Variants in ECM1 observed in about 807,000 individuals in gnomAD.
The protein encoded by ECM1 is secretory component p85.
Under a neutral mutation model 57.9 loss-of-function variants are expected in ECM1, and 54 were observed. That is an observed-to-expected ratio of 0.93 (90% CI 0.75 to 1.17). The LOEUF is 1.17. ECM1 is among the 50% of genes most tolerant of loss of function. The probability of loss-of-function intolerance (pLI) is 0.00; values close to 1 mark genes in which losing one functional copy is unlikely to be tolerated. For missense variants in ECM1, 649 were observed against 688.1 expected (o/e 0.94, Z 0.64); for synonymous variants, 237 against 259.1 (o/e 0.91, Z 0.82).
rs1431743886 is a variant in ECM1 at position 150,509,728 on chromosome 1, T to C, written c.189T>C (p.Ser63=). The C allele has an allele frequency of 2.7e-6, 4 of 1,482,260 alleles. No individual in the cohort carries two copies. The African/African-American group carries it at 5.8e-5, about 21-fold the overall frequency. 91.8% of individuals were successfully genotyped at this position (1,482,260 alleles called of 1,614,324 possible). Residue 63 remains serine, a synonymous_variant, in exon 3 of 10, where the codon TCT becomes TCC. Transcript: ENST00000369047. ...RSLPMDHPDS[S]QHGPPFEGQS... is the part of the protein sequence containing the mutation. The stretch of plus-strand genomic sequence containing the variant: ...TCCCCATGGATCACCCTGACTCCTC[T>C]CAGCATGGCCCTCCCTTTGAGGGAC...
Position 150,511,108 on chromosome 1 carries a change from G to A in ECM1, c.618G>A (p.Gln206=). 1 of 1,614,242 alleles carries A rather than the reference G, an allele frequency of 6.2e-7. No individual in the cohort carries two copies. Among genetic ancestry groups the A allele is most frequent in the Non-Finnish European group, 8.5e-7 (1 of 1,180,048 alleles). ...CCAGCTACTCCCACCTCACTCGCCA[G>A]GGTGAGACCCTCAATTTCCTGGAGA... is the stretch of plus-strand genomic sequence containing the variant. The part of the protein sequence containing the change: ...PQSSYSHLTR[Q]GETLNFLEIG... Residue 206 remains glutamine (Q), a synonymous_variant, in exon 6 of 10, where the codon CAG becomes CAA. Transcript: ENST00000369047.
Position 150,513,352 on chromosome 1 carries a change from A to G in ECM1, c.1508A>G (p.Tyr503Cys). Residue 503 changes from tyrosine to cysteine, a missense_variant, in exon 10 of 10, where the codon TAT becomes TGT. Transcript: ENST00000369047. ...DEQVNCFNIN[Y>C]LRNVALVSGD... ...CAGGTCAACTGCTTCAACATCAATT[A>G]TCTGAGGAACGTGGCTCTAGTGTCT... 3.7e-6 allele frequency: 6 copies of G among 1,614,244 alleles called. No individual in the cohort carries two copies. The highest frequency in any genetic ancestry group is 2.2e-5 in the East Asian group (1 of 44,894).
In ECM1 at chr1:150,513,235, A is replaced by G. The variant is rs1670491927; in HGVS notation, c.1393-2A>G. On this transcript the variant is annotated splice_acceptor_variant, in intron 9 of 9. Coordinates refer to ENST00000369047, the MANE Select transcript of ECM1 (RefSeq NM_004425.4). LOFTEE classifies it high-confidence loss of function. ...ATCTGTTTTACTTTTCTCATTCATC[A>G]GAAATTAACCTTCATCAATGATCTG... The G allele has an allele frequency of 6.2e-7, 1 of 1,614,160 alleles. No individual in the cohort carries two copies.
intron 5 of ECM1, 66 bp downstream of exon 5, chr1:150,510,248 G>C: frequency 6.7e-7 from 1 of 1,487,788 alleles, no homozygotes; most frequent in Non-Finnish European, 9.4e-7. Flanking sequence ...CATGGGCTTC[G>C]GGGCAGACAA....
At chr1:150,509,414 G>A in intron 1 of ECM1, 117 bp from the exon 2 acceptor site, 1 of 1,071,978 alleles carries the variant, frequency 9.3e-7, no homozygotes, top group South Asian at 1.3e-5. Context: ...ATACAGAGGG[G>A]CATCTCGTGT....
chr1:150,509,749 G>T lies in ECM1; in HGVS notation c.210G>T (p.Glu70Asp). The change falls in exon 3 of 10, where the codon GAG becomes GAT. Residue 70 changes from glutamate to aspartate, a missense_variant. Transcript: ENST00000369047. ...CCTCTCAGCATGGCCCTCCCTTTGA[G>T]GGACAGAGTCAAGGTAAGGTCACCA... ...PDSSQHGPPF[E>D]GQSQVQPPPS... The T allele has an allele frequency of 6.2e-7, 1 of 1,613,180 alleles. No individual in the cohort carries two copies. Among genetic ancestry groups the T allele is most frequent in the African/African-American group, 1.3e-5 (1 of 74,800 alleles).
At position 150,508,252 on chromosome 1, in the gene ECM1, G is replaced by T; in HGVS notation, c.43G>T (p.Ala15Ser). 1 of 1,614,046 alleles carries T rather than the reference G, an allele frequency of 6.2e-7. No homozygotes were observed. The highest frequency in any genetic ancestry group is 8.5e-7 in the Non-Finnish European group (1 of 1,180,034). Reference protein sequence around the residue: ...ARAALVLTYLAVASAASEGGF... With the variant: ...ARAALVLTYLSVASAASEGGF... ...AGCAGCCTTGGTCTTGACCTATTTG[G>T]CTGTTGCTTCTGCTGCCTCTGAGGG... is the stretch of plus-strand genomic sequence containing the variant. Residue 15 changes from alanine (A) to serine (S), a missense_variant, in exon 1 of 10, where the codon GCT (alanine) becomes TCT (serine). By Grantham distance (99) the Ala-to-Ser change is moderately conservative. Coordinates refer to ENST00000369047, the MANE Select transcript of ECM1 (RefSeq NM_004425.4).
intron 1 of ECM1, 30 bp downstream of exon 1, chr1:150,508,309 G>C: frequency 6.2e-7 from 1 of 1,605,756 alleles, no homozygotes; most frequent in Non-Finnish European, 8.5e-7. Context: ...CTTAGGAGGG[G>C]GTCTGGGCTT....
chr1:150,509,304 A>C (rs1670366860), intron 1 of ECM1: 4 of 615,918 alleles, frequency 6.5e-6, no homozygotes, highest in Non-Finnish European at 1.2e-5. Context: ...GAGCCAGTAG[A>C]GGTGGAGCTA....
In ECM1 at chr1:150,513,286, G is replaced by A. The variant is rs765242058; in HGVS notation, c.1442G>A (p.Arg481Gln). The A allele has an allele frequency of 9.9e-6, 16 of 1,614,230 alleles. No homozygotes were observed. The highest frequency in any genetic ancestry group is 3.3e-4 in the Middle Eastern group (2 of 6,062). The change falls in exon 10 of 10, where the codon CGA (arginine) becomes CAA (glutamine). Residue 481 changes from arginine (R) to glutamine (Q), a missense_variant. Transcript: ENST00000369047. ...TGTGGTCCCCGACGTAACATCTGGC[G>A]AGACCCTGCCCTCTGCTGTTACCTG... ...DLCGPRRNIW[R>Q]DPALCCYLSP... is the part of the protein sequence containing the mutation.
At position 150,511,027 on chromosome 1, in the gene ECM1, A is replaced by T; in HGVS notation, c.537A>T (p.Gln179His). Residue 179 changes from glutamine to histidine, a missense_variant, in exon 6 of 10, where the codon CAA (glutamine) becomes CAT (histidine). Coordinates refer to ENST00000369047, the MANE Select transcript of ECM1 (RefSeq NM_004425.4). ...PGRPSPDNLN[Q>H]ICLPNRQHVV... ...GGCCTTCTCCAGACAATCTGAACCAAATCTGCCTTCCTAACCGTCAGCATG... is the reference window on the plus strand; with the variant it reads ...GGCCTTCTCCAGACAATCTGAACCATATCTGCCTTCCTAACCGTCAGCATG... 6.2e-7 allele frequency: 1 copy of T among 1,614,144 alleles called. No individual in the cohort carries two copies.
Position 150,512,405 on chromosome 1 carries a change from C to T in ECM1, c.1137C>T (p.His379=). 1.2e-6 allele frequency: 2 copies of T among 1,613,556 alleles called. No homozygotes were observed. Among genetic ancestry groups the T allele is most frequent in the Non-Finnish European group, 8.5e-7 (1 of 1,179,948 alleles). Residue 379 remains histidine, a synonymous_variant, in exon 8 of 10, where the codon CAC becomes CAT. Coordinates refer to ENST00000369047, the MANE Select transcript of ECM1 (RefSeq NM_004425.4). ...YCDREYAVKT[H]HHLCCRHPPS... is the part of the protein sequence containing the mutation. Reference sequence around the variant, plus strand: ...ACCGGGAGTATGCTGTGAAGACCCACCACCACTTGTGTTGCCGCCACCCTC... The same window carrying T: ...ACCGGGAGTATGCTGTGAAGACCCATCACCACTTGTGTTGCCGCCACCCTC...
intron 1 of ECM1, 101 bp from the exon 2 acceptor site, chr1:150,509,430 T>C (rs1670372037): frequency 5.3e-6 from 7 of 1,326,818 alleles, no homozygotes; most frequent in Non-Finnish European, 7.6e-6. Flanking sequence ...CGTGTCTTGC[T>C]TGTCTGTCCT....
At position 150,512,514 on chromosome 1, in the gene ECM1, C is replaced by T. The variant is rs762669789; in HGVS notation, c.1246C>T (p.Arg416Ter). The T allele has an allele frequency of 2.5e-6, 4 of 1,613,752 alleles. No homozygotes were observed. Among genetic ancestry groups the T allele is most frequent in the African/African-American group, 2.7e-5 (2 of 74,792 alleles). The change falls in exon 8 of 10, where the codon CGA (arginine) becomes TGA (stop). Residue 416 changes from arginine (R) to a stop codon, truncating the protein, a stop_gained. Coordinates refer to ENST00000369047, the MANE Select transcript of ECM1 (RefSeq NM_004425.4). LOFTEE classifies it high-confidence loss of function. ...GGACATCTTGACCATTGACATCGGTCGAGTCACCCCCAACCTCATGGGCCA... is the reference window on the plus strand; with the variant it reads ...GGACATCTTGACCATTGACATCGGTTGAGTCACCCCCAACCTCATGGGCCA... ...DRDILTIDIG[R>*]VTPNLMGHLC... is the part of the protein sequence containing the mutation.
rs1560267519 is a variant in ECM1 at position 150,513,313 on chromosome 1, G to A, written c.1469G>A (p.Ser490Asn). The A allele has an allele frequency of 1.2e-6, 2 of 1,614,246 alleles. No homozygotes were observed. The highest frequency in any genetic ancestry group is 2.2e-5 in the East Asian group (1 of 44,890). Residue 490 changes from serine (S) to asparagine (N), a missense_variant, in exon 10 of 10, where the codon AGT becomes AAT. Coordinates refer to ENST00000369047, the MANE Select transcript of ECM1 (RefSeq NM_004425.4). Reference protein sequence around the residue: ...WRDPALCCYLSPGDEQVNCFN... With the variant: ...WRDPALCCYLNPGDEQVNCFN... ...GACCCTGCCCTCTGCTGTTACCTGA[G>A]TCCTGGGGATGAACAGGTCAACTGC... is the stretch of plus-strand genomic sequence containing the variant.
At position 150,510,086 on chromosome 1, in the gene ECM1, C is replaced by T; in HGVS notation, c.305-16C>T. The T allele has an allele frequency of 6.2e-7, 1 of 1,613,984 alleles. No individual in the cohort carries two copies. Among genetic ancestry groups the T allele is most frequent in the Admixed American group, 1.7e-5 (1 of 60,030 alleles). On this transcript the variant is annotated splice_polypyrimidine_tract_variant and intron_variant, in intron 4 of 9. Coordinates refer to ENST00000369047, the MANE Select transcript of ECM1 (RefSeq NM_004425.4). The stretch of plus-strand genomic sequence containing the variant: ...GCTGATCCCTGCTCCTTGGTGCCCT[C>T]ACCCCTATCTTGCAGTGGGTCCCCC...
intron 5 of ECM1, 200 bp downstream of exon 5, chr1:150,510,382 G>A (rs373422489): frequency 3.1e-5 from 19 of 621,824 alleles, no homozygotes; most frequent in East Asian, 1.9e-4. Context: ...GTGATTAGAT[G>A]TGCAAAAATA....
Position 150,513,420 on chromosome 1 carries a change from A to C in ECM1, c.1576A>C (p.Thr526Pro), listed in dbSNP as rs769972802. 9 of 1,614,094 alleles carry C rather than the reference A, an allele frequency of 5.6e-6. No individual in the cohort carries two copies. Among genetic ancestry groups the C allele is most frequent in the Admixed American group, 1.7e-5 (1 of 60,030 alleles). ...CAAGGGCCAGGGGGAGCAGGGCTCA[A>C]CTGGAGGAACAAATATCAGCTCCAC... ...NAKGQGEQGS[T>P]GGTNISSTSE... The change falls in exon 10 of 10, where the codon ACT becomes CCT. Residue 526 changes from threonine to proline, a missense_variant. Coordinates refer to ENST00000369047, the MANE Select transcript of ECM1 (RefSeq NM_004425.4).
Position 150,510,732 on chromosome 1 carries a change from G to A in ECM1, c.386-144G>A, listed in dbSNP as rs1391752596. 4.6e-6 allele frequency: 4 copies of A among 860,386 alleles called. No individual in the cohort carries two copies. The Admixed American group carries it at 8.0e-5, about 17-fold the overall frequency. The allele number at this position is 860,386 out of a possible 1,614,324, so 53.3% of individuals were successfully genotyped here. On this transcript the variant is annotated intron_variant, in intron 5 of 9. Transcript: ENST00000369047. Reference sequence around the variant, plus strand: ...TTCCTTTCAGTTATTTTAAAAGGAAGAGCCACAAATTGTTCTTTCTCATTT... The same window carrying A: ...TTCCTTTCAGTTATTTTAAAAGGAAAAGCCACAAATTGTTCTTTCTCATTT...
Sources: allele counts gnomAD v4.1 joint callset, GRCh38; gene constraint gnomAD v4.1.1; transcripts MANE v1.5; gene names NCBI Gene and HGNC (gene_info 2026-07-23, HGNC 2026-07-21).